The following SEPTIN9 variants were observed in gnomAD, a reference collection of about 807,000 sequenced individuals.
SEPTIN9 encodes the protein septin-9.
Under a neutral mutation model 56.6 loss-of-function variants are expected in SEPTIN9, and 13 were observed. The ratio of observed to expected loss-of-function variants is 0.23; its 90% confidence interval spans 0.15 to 0.37. The LOEUF (loss-of-function observed/expected upper bound fraction) is 0.37, where lower values mean the gene tolerates loss of function less well. Ranked by LOEUF, SEPTIN9 falls within the 10% of genes least tolerant of loss-of-function variation. The pLI, the probability that SEPTIN9 is intolerant of heterozygous loss-of-function variation, is 1.00. For synonymous variants in SEPTIN9, 332 were observed against 334.1 expected (o/e 0.99, Z 0.07); for missense variants, 650 against 823.1 (o/e 0.79, Z 2.57).
At chr17:77,454,364 GTAGGGACCTGTTC>G (rs2038101677) in intron 3 of SEPTIN9, 1 of 985,534 alleles carries the variant, frequency 1.0e-6, no homozygotes. Context: ...TCCCGGACAG[GTAGGGACCTGTTC>G]CCGGAGCTCA....
Position 77,360,539 on chromosome 17 carries a change from TG to T in SEPTIN9, c.77-41519del, listed in dbSNP as rs1258087093. 7.9e-4 allele frequency among the ~76,000 whole-genome samples: 120 copies of T among 151,868 alleles called. 1 individual carries two copies. The highest frequency in any genetic ancestry group is 3.4e-3 in the Middle Eastern group (1 of 294). On this transcript the variant is annotated intron_variant, in intron 2 of 11. Coordinates refer to ENST00000427177, the MANE Select transcript of SEPTIN9 (RefSeq NM_001113491.2). ...CCTCCTGCTCCCTACTAGGGTAGGT[TG>T]TTTTTTTTTTGTTGTTTTTGTTTTT...
chr17:77,478,576 GC>G (rs2039318514), intron 3 of SEPTIN9, among the ~76,000 whole-genome samples: 1 of 152,164 alleles, frequency 6.6e-6, no homozygotes, highest in Admixed American at 6.5e-5. Flanking sequence ...GGAGGCCGAG[GC>G]GGGTGGATCA....
intron 2 of SEPTIN9, chr17:77,376,483 G>A: frequency 1.2e-6 from 1 of 834,564 alleles, no homozygotes; most frequent in Non-Finnish European, 1.4e-6. Flanking sequence ...CAGCGGATGT[G>A]GGTGCCTGTC....
chr17:77,339,654 C>T (rs1300452549), intron 2 of SEPTIN9, among the ~76,000 whole-genome samples: 1 of 150,884 alleles, frequency 6.6e-6, no homozygotes, highest in African/African-American at 2.4e-5. Context: ...GGATTACAGG[C>T]ACACACCACC....
chr17:77,332,765 TTC>T (rs1389704041), intron 2 of SEPTIN9, among the ~76,000 whole-genome samples: 2 of 152,174 alleles, frequency 1.3e-5, no homozygotes, highest in African/African-American at 4.8e-5. Context: ...GTTTGAGTGT[TTC>T]TTAGAGCTAC....
intron 2 of SEPTIN9, among the ~76,000 whole-genome samples, chr17:77,357,401 A>G (rs1022262446): frequency 4.6e-5 from 7 of 152,132 alleles, no homozygotes; most frequent in Admixed American, 4.6e-4. Flanking sequence ...TCAAGTTGAA[A>G]GCATTTTACA....
intron 3 of SEPTIN9, among the ~76,000 whole-genome samples, chr17:77,480,000 G>A (rs912377972): frequency 2.0e-5 from 3 of 152,192 alleles, no homozygotes; most frequent in African/African-American, 7.2e-5. Flanking sequence ...GGAAGCCCAG[G>A]GGAGAGTATT....
intron 4 of SEPTIN9, among the ~76,000 whole-genome samples, chr17:77,485,061 T>TGAAGGG (rs1446001313): frequency 3.6e-4 from 14 of 39,360 alleles, no homozygotes; most frequent in Non-Finnish European, 8.3e-4. Context: ...ATTGTGGTGG[T>TGAAGGG]GGTAATGGTG....
intron 3 of SEPTIN9, chr17:77,466,506 G>A: frequency 1.0e-6 from 1 of 985,550 alleles, no homozygotes; most frequent in South Asian, 4.7e-5. Context: ...GGTCACTACT[G>A]GGTGGAAGGA....
chr17:77,349,411 C>A lies in SEPTIN9; in HGVS notation c.76+42214C>A, dbSNP rs115012026. 3.3e-3 allele frequency among the ~76,000 whole-genome samples: 497 copies of A among 152,256 alleles called. 8 individuals carry two copies. The highest frequency in any genetic ancestry group is 0.011 in the African/African-American group (475 of 41,536). On this transcript the variant is annotated intron_variant, in intron 2 of 11. Coordinates refer to ENST00000427177, the MANE Select transcript of SEPTIN9 (RefSeq NM_001113491.2). ...GGATTATAGGTGTGAGCCACTGTGCCCAGCCTGCTGTCATTCTTGAACCAT... is the reference window on the plus strand; with the variant it reads ...GGATTATAGGTGTGAGCCACTGTGCACAGCCTGCTGTCATTCTTGAACCAT...
rs1006052657 is a variant in SEPTIN9 at position 77,487,406 on chromosome 17, C to T, written c.914-18C>T. ...CTCTCCGGAGAGACCCCTGACCGGC[C>T]TCCCATCCTCTCCCCAGGGCAGAGC... On this transcript the variant is annotated intron_variant, in intron 4 of 11. Transcript: ENST00000427177. This position sits in a 1 kb window ranked among gnomAD's most constrained non-coding sequence, Gnocchi z 4.3. The T allele has an allele frequency of 3.1e-6, 5 of 1,588,832 alleles. 1 individual carries two copies. The African/African-American group carries it at 5.4e-5, about 17-fold the overall frequency.
chr17:77,333,838 T>C (rs903441768), intron 2 of SEPTIN9, among the ~76,000 whole-genome samples: 8 of 152,222 alleles, frequency 5.3e-5, no homozygotes, highest in African/African-American at 1.9e-4. Flanking sequence ...TTGTATTTTC[T>C]TGGTGACTTA....
At position 77,392,962 on chromosome 17, in the gene SEPTIN9, C is replaced by T. The variant is rs535966243; in HGVS notation, c.77-9097C>T. Among the ~76,000 whole-genome samples the T allele has an allele frequency of 2.6e-5, 4 of 152,218 alleles. No homozygotes were observed. The East Asian group carries it at 7.7e-4, about 29-fold the overall frequency. On this transcript the variant is annotated intron_variant, in intron 2 of 11. Coordinates refer to ENST00000427177, the MANE Select transcript of SEPTIN9 (RefSeq NM_001113491.2). Reference sequence around the variant, plus strand: ...TTGCTTCCTGAGAACACACCCCTCCCCATCACCCCAACTGTGTCCTCCTCC... The same window carrying T: ...TTGCTTCCTGAGAACACACCCCTCCTCATCACCCCAACTGTGTCCTCCTCC...
chr17:77,317,406 C>T lies in SEPTIN9; in HGVS notation c.76+10209C>T, dbSNP rs1232072417. On this transcript the variant is annotated intron_variant, in intron 2 of 11. Transcript: ENST00000427177. This position sits in a 1 kb window ranked among gnomAD's most constrained non-coding sequence, Gnocchi z 4.2. ...GTATTTACAGTCACTCCCCATTGCT[C>T]GCATTACTGCCCAAGCTCTGCCTCC... is the stretch of plus-strand genomic sequence containing the variant. Among the ~76,000 whole-genome samples the T allele has an allele frequency of 2.6e-5, 4 of 152,236 alleles. No individual in the cohort carries two copies. The highest frequency in any genetic ancestry group is 4.4e-5 in the Non-Finnish European group (3 of 68,048).
rs1194778352 is a variant in SEPTIN9 at position 77,402,168 on chromosome 17, A to G, written c.186A>G (p.Lys62=). ...LRATVASSTQ[K]FQDLGVKNSE... ...CCACTGTGGCCAGCTCCACCCAGAA[A>G]TTCCAGGACCTGGGCGTGAAGAACT... Residue 62 remains lysine (K), a synonymous_variant, in exon 3 of 12, where the codon AAA becomes AAG. Coordinates refer to ENST00000427177, the MANE Select transcript of SEPTIN9 (RefSeq NM_001113491.2). The surrounding 1 kb of genome is among the most constrained non-coding windows in gnomAD (Gnocchi z 6.6). 6.2e-7 allele frequency: 1 copy of G among 1,613,650 alleles called. No individual in the cohort carries two copies. Among genetic ancestry groups the G allele is most frequent in the African/African-American group, 1.3e-5 (1 of 74,974 alleles).
chr17:77,454,936 C>G (rs1302811633), intron 3 of SEPTIN9, among the ~76,000 whole-genome samples: 1 of 151,962 alleles, frequency 6.6e-6, no homozygotes, highest in East Asian at 1.9e-4. Context: ...GGGGCTGGGC[C>G]TTGGTTTTGC....
intron 2 of SEPTIN9, chr17:77,322,609 C>G (rs777004653): frequency 4.6e-5 from 7 of 152,286 alleles, no homozygotes; most frequent in Admixed American, 1.3e-4. Context: ...CTTCCTGTCC[C>G]TGCTGGGTGG....
intron 2 of SEPTIN9, among the ~76,000 whole-genome samples, chr17:77,348,294 G>GTTTTTTT (rs367934946): frequency 1.0e-4 from 9 of 89,744 alleles, no homozygotes; most frequent in African/African-American, 1.4e-4. Context: ...TTTAATTTAT[G>GTTTTTTT]TTTTTTTTTT....
chr17:77,354,461 A>G (rs2034158903), intron 2 of SEPTIN9, among the ~76,000 whole-genome samples: 1 of 152,094 alleles, frequency 6.6e-6, no homozygotes, highest in African/African-American at 2.4e-5. Flanking sequence ...TCTCCCTGGT[A>G]TGACCTAGCT....
Sources: gnomAD v4.1 joint callset for allele counts (sites outside exome capture counted in the v4.1 genomes callset) on GRCh38, gnomAD v4.1.1 for gene constraint, Gnocchi (gnomAD v3.1) non-coding constraint, MANE v1.5 for transcripts, NCBI Gene and HGNC (gene_info 2026-07-23, HGNC 2026-07-21) for gene names.